Variants in MPDZ observed in about 807,000 individuals in gnomAD.
MPDZ encodes multiple PDZ domain protein.
Under a neutral mutation model 239.1 loss-of-function variants are expected in MPDZ, and 234 were observed. The ratio of observed to expected loss-of-function variants is 0.98; its 90% confidence interval spans 0.88 to 1.09. The LOEUF is 1.09. Ranked by LOEUF, MPDZ falls within the 50% of genes least tolerant of loss-of-function variation. The pLI is 0.00. For missense variants in MPDZ, 3,175 were observed against 2,510.0 expected, an observed-to-expected ratio of 1.26 and a Z score of -5.66; for synonymous variants, 1,048 against 881.3, an observed-to-expected ratio of 1.19 and a Z score of -3.35.
intron 38 of MPDZ, among the ~76,000 whole-genome samples, chr9:13,120,935 C>G (rs1253827563): frequency 6.6e-6 from 1 of 152,168 alleles, no homozygotes; most frequent in African/African-American, 2.4e-5. Context: ...ACAAGTTTAG[C>G]TATCTGGTAG....
intron 3 of MPDZ, among the ~76,000 whole-genome samples, chr9:13,240,372 G>C (rs541038456): frequency 6.6e-6 from 1 of 151,780 alleles, no homozygotes; most frequent in African/African-American, 2.4e-5. Context: ...CCAGAATGAA[G>C]TACTGGTTTA....
In MPDZ at chr9:13,108,979, G is replaced by C; in HGVS notation, c.6023C>G (p.Pro2008Arg). ...GFSIVGGYGS[P>R]HGDLPIYVKT... ...AACATAAATGGGTAAGTCTCCATGA[G>C]GGCTGCCATATCCTCCAACTATACT... Residue 2008 changes from proline (P) to arginine (R), a missense_variant, in exon 46 of 47, where the codon CCT (proline) becomes CGT (arginine). Pro to Arg is a moderately radical substitution (Grantham distance 103). Transcript: ENST00000319217. The C allele has an allele frequency of 1.2e-6, 2 of 1,608,040 alleles. No individual in the cohort carries two copies. Among genetic ancestry groups the C allele is most frequent in the Non-Finnish European group, 1.7e-6 (2 of 1,177,078 alleles).
rs940283526 is a variant in MPDZ at position 13,268,183 on chromosome 9, G to A, written c.-58+11217C>T. ...ATATATATATATACACACATAGAGA[G>A]AGAGAGATCTAGATATACAGATGGT... On this transcript the variant is annotated intron_variant, in intron 1 of 46. Coordinates refer to ENST00000319217, the MANE Select transcript of MPDZ (RefSeq NM_001378778.1). Among the ~76,000 whole-genome samples, 10 of 151,272 alleles carry A rather than the reference G, an allele frequency of 6.6e-5. No individual in the cohort carries two copies. In the South Asian group the frequency reaches 1.9e-3, roughly 29 times the overall value.
At chr9:13,265,895 ATTACAATC>A (rs1165739886) in intron 1 of MPDZ, among the ~76,000 whole-genome samples, 1 of 152,180 alleles carries the variant, frequency 6.6e-6, no homozygotes, top group Non-Finnish European at 1.5e-5. Flanking sequence ...AGACCATAGT[ATTACAATC>A]ATGCTGCTTC....
intron 32 of MPDZ, among the ~76,000 whole-genome samples, chr9:13,128,213 T>TA (rs1393389526): frequency 6.6e-6 from 1 of 152,188 alleles, no homozygotes; most frequent in Non-Finnish European, 1.5e-5. Context: ...GGGCTAGACT[T>TA]AGTGACTTGA....
intron 10 of MPDZ, among the ~76,000 whole-genome samples, chr9:13,210,428 T>G (rs1036565800): frequency 4.6e-5 from 7 of 151,892 alleles, no homozygotes; most frequent in African/African-American, 7.3e-5. Flanking sequence ...GGAAGTTTTT[T>G]TTTTTTTTTA....
intron 24 of MPDZ, among the ~76,000 whole-genome samples, chr9:13,154,425 C>A (rs570996220): frequency 5.9e-5 from 9 of 152,264 alleles, no homozygotes; most frequent in Admixed American, 3.9e-4. Context: ...TGAGGCCAGA[C>A]TGCCTGAGCT....
intron 2 of MPDZ, among the ~76,000 whole-genome samples, chr9:13,249,697 T>C (rs1588113082): frequency 6.6e-6 from 1 of 152,196 alleles, no homozygotes; most frequent in African/African-American, 2.4e-5. Flanking sequence ...ATTGCATGTA[T>C]TGTACCATAC....
chr9:13,198,002 G>A (rs753194881), intron 12 of MPDZ, among the ~76,000 whole-genome samples: 1 of 152,008 alleles, frequency 6.6e-6, no homozygotes, highest in Non-Finnish European at 1.5e-5. Flanking sequence ...CCTGTTGATC[G>A]GCACTTAGGT....
intron 41 of MPDZ, 112 bp downstream of exon 41, chr9:13,113,819 A>T: frequency 1.2e-6 from 1 of 816,852 alleles, no homozygotes; most frequent in Admixed American, 2.3e-5. Context: ...TTGTACCTAT[A>T]TTTGGATATG....
In MPDZ at chr9:13,248,976, C is replaced by CAA. The variant is rs71331534; in HGVS notation, c.17-1177_17-1176dup. 7.3e-4 allele frequency among the ~76,000 whole-genome samples: 26 copies of CAA among 35,818 alleles called. 1 individual carries two copies. The highest frequency in any genetic ancestry group is 2.0e-3 in the Admixed American group (3 of 1,538). The allele number at this position is 35,818 out of a possible 152,430, so 23.5% of individuals were successfully genotyped here. On this transcript the variant is annotated intron_variant, in intron 2 of 46. Coordinates refer to ENST00000319217, the MANE Select transcript of MPDZ (RefSeq NM_001378778.1). ...CGACAGAGTGAGTGAGACTCCATCT[C>CAA]AAAAAAAAAAAAAAAAAAAAAAAAA...
At chr9:13,227,005 T>C (rs1960837461) in intron 3 of MPDZ, among the ~76,000 whole-genome samples, 1 of 152,100 alleles carries the variant, frequency 6.6e-6, no homozygotes, top group Non-Finnish European at 1.5e-5. Flanking sequence ...GGTGTTCCTA[T>C]CATCCTTGTA....
chr9:13,134,386 T>C (rs1231335142), intron 31 of MPDZ: 1 of 152,232 alleles, frequency 6.6e-6, no homozygotes. Flanking sequence ...ACAACTAATA[T>C]GAAAAGAAAA....
intron 31 of MPDZ, chr9:13,135,282 G>C (rs1257793876): frequency 6.6e-6 from 1 of 152,118 alleles, no homozygotes; most frequent in Non-Finnish European, 1.5e-5. Context: ...CTGGTATAAG[G>C]CAGAGTACTC....
intron 3 of MPDZ, among the ~76,000 whole-genome samples, chr9:13,233,733 A>C (rs1277761294): frequency 6.6e-6 from 1 of 152,204 alleles, no homozygotes; most frequent in African/African-American, 2.4e-5. Context: ...ACGCCTCTTA[A>C]AGAAGGCAAG....
At position 13,106,370 on chromosome 9, in the gene MPDZ, T is replaced by G. The variant is rs944720400; in HGVS notation, c.*595A>C. ...ATTTACTCAATTGTAGAAACCAATT[T>G]TAGCAGGAAAAATATATATGCATAT... On this transcript the variant is annotated 3_prime_UTR_variant, in exon 47 of 47. Transcript: ENST00000319217. The G allele has an allele frequency of 5.3e-5, 8 of 152,166 alleles. No individual in the cohort carries two copies. The highest frequency in any genetic ancestry group is 1.9e-4 in the African/African-American group (8 of 41,436). The allele number at this position is 152,166 out of a possible 1,614,324, so 9.4% of individuals were successfully genotyped here.
chr9:13,213,529 T>G (rs1449687989), intron 10 of MPDZ, among the ~76,000 whole-genome samples: 11 of 151,964 alleles, frequency 7.2e-5, no homozygotes, highest in Non-Finnish European at 1.5e-5. Context: ...TGCAAATATC[T>G]CAAAAGTCCA....
Position 13,193,173 on chromosome 9 carries a change from T to A in MPDZ, c.1797A>T (p.Leu599=). The change falls in exon 14 of 47, where the codon CTA becomes CTT. Residue 599 remains leucine, a synonymous_variant. Transcript: ENST00000319217. Reference sequence around the variant, plus strand: ...GAACAGCATAGCTCCTTACTTCCAATAGCTCGTCTCCACTGAAGAGCTTCC... The same window carrying A: ...GAACAGCATAGCTCCTTACTTCCAAAAGCTCGTCTCCACTGAAGAGCTTCC... ...HSGKLFSGDE[L]LEVNGITLLG... The A allele has an allele frequency of 1.3e-6, 2 of 1,577,220 alleles. No homozygotes were observed. Among genetic ancestry groups the A allele is most frequent in the Non-Finnish European group, 1.7e-6 (2 of 1,158,664 alleles).
intron 3 of MPDZ, among the ~76,000 whole-genome samples, chr9:13,229,836 G>A (rs1264854562): frequency 6.6e-6 from 1 of 152,104 alleles, no homozygotes. Flanking sequence ...TGCACAAAAG[G>A]TAGGAGTAGG....
Sources: allele counts gnomAD v4.1 joint callset (sites outside exome capture counted in the v4.1 genomes callset), GRCh38; gene constraint gnomAD v4.1.1; transcripts MANE v1.5; gene names NCBI Gene and HGNC (gene_info 2026-07-23, HGNC 2026-07-21).